The following EBF1 variants were observed in gnomAD, a reference collection of about 807,000 sequenced individuals.
EBF1 encodes transcription factor COE1.
EBF1 carries 10 observed loss-of-function variants against 68.4 expected under a neutral mutation model. That is an observed-to-expected ratio of 0.15 (90% CI 0.09 to 0.25). The LOEUF is 0.25. Among genes scored for constraint, EBF1 ranks in the 10% least tolerant of loss-of-function variants. The probability of loss-of-function intolerance (pLI) is 1.00; values close to 1 mark genes in which losing one functional copy is unlikely to be tolerated. For synonymous variants in EBF1, 298 were observed against 299.8 expected (o/e 0.99, Z 0.06); for missense variants, 509 against 794.4 (o/e 0.64, Z 4.32).
Position 158,699,532 on chromosome 5 carries a change from T to A in EBF1, c.1745-390A>T, listed in dbSNP as rs144079831. On this transcript the variant is annotated intron_variant, in intron 15 of 15. Coordinates refer to ENST00000313708, the MANE Select transcript of EBF1 (RefSeq NM_024007.5). ...TTCCCTCCCCTTCACACCCAAAATATAAAGAAGTGGTCCATCCAAACTGCA... is the reference window on the plus strand; with the variant it reads ...TTCCCTCCCCTTCACACCCAAAATAAAAAGAAGTGGTCCATCCAAACTGCA... Among the ~76,000 whole-genome samples, 49 of 152,200 alleles carry A rather than the reference T, an allele frequency of 3.2e-4. No individual in the cohort carries two copies. The East Asian group carries it at 9.3e-3, about 29-fold the overall frequency.
chr5:159,090,807 GTAATAA>G (rs138049191), intron 4 of EBF1, among the ~76,000 whole-genome samples: 7 of 149,276 alleles, frequency 4.7e-5, no homozygotes, highest in Admixed American at 2.0e-4. Context: ...ACCCAATGGG[GTAATAA>G]TAATAATAAT....
intron 13 of EBF1, among the ~76,000 whole-genome samples, 200 bp downstream of exon 13, chr5:158,712,770 G>T (rs1456072848): frequency 6.6e-6 from 1 of 152,162 alleles, no homozygotes; most frequent in African/African-American, 2.4e-5. Flanking sequence ...CTAAATGCAT[G>T]CATCCTTTCT....
chr5:158,913,841 T>C (rs1216931427), intron 6 of EBF1, among the ~76,000 whole-genome samples: 1 of 152,192 alleles, frequency 6.6e-6, no homozygotes, highest in Non-Finnish European at 1.5e-5. Flanking sequence ...GCAAATAAAA[T>C]ATCTGTACGT....
intron 6 of EBF1, among the ~76,000 whole-genome samples, chr5:158,873,865 AC>A (rs1797321664): frequency 1.3e-5 from 2 of 152,238 alleles, no homozygotes; most frequent in Non-Finnish European, 2.9e-5. Context: ...ATGTAGGTAT[AC>A]AGTGAGAAGT....
At chr5:158,920,629 A>G (rs958344250) in intron 6 of EBF1, among the ~76,000 whole-genome samples, 1 of 151,854 alleles carries the variant, frequency 6.6e-6, no homozygotes, top group Non-Finnish European at 1.5e-5. Flanking sequence ...CCCAGCCTGG[A>G]GTGCAGTGGT....
intron 15 of EBF1, among the ~76,000 whole-genome samples, chr5:158,699,478 A>G (rs1756289361): frequency 6.6e-6 from 1 of 152,236 alleles, no homozygotes; most frequent in Non-Finnish European, 1.5e-5. Flanking sequence ...CTTGCAAAAT[A>G]GTGAGAATTT....
intron 6 of EBF1, among the ~76,000 whole-genome samples, chr5:158,992,810 G>A (rs963412737): frequency 1.3e-5 from 2 of 151,198 alleles, no homozygotes; most frequent in Non-Finnish European, 2.9e-5. Context: ...ATAAGACTTT[G>A]CACATTTCAC....
chr5:158,859,537 G>T (rs1794626378), intron 6 of EBF1, among the ~76,000 whole-genome samples: 1 of 152,122 alleles, frequency 6.6e-6, no homozygotes, highest in Admixed American at 6.5e-5. Context: ...ACCTAGAAGG[G>T]GTCAAGAGGG....
intron 10 of EBF1, among the ~76,000 whole-genome samples, chr5:158,731,571 C>T (rs1341967860): frequency 6.6e-6 from 1 of 152,180 alleles, no homozygotes; most frequent in Admixed American, 6.5e-5. Flanking sequence ...TGCTTAACTG[C>T]AAAATCCTTA....
intron 14 of EBF1, among the ~76,000 whole-genome samples, chr5:158,710,787 C>T (rs1759055918): frequency 6.6e-6 from 1 of 152,190 alleles, no homozygotes; most frequent in African/African-American, 2.4e-5. Flanking sequence ...GCATCATTTG[C>T]TGTATTTTTA....
chr5:158,751,502 T>C (rs1162409637), intron 10 of EBF1, among the ~76,000 whole-genome samples: 1 of 152,064 alleles, frequency 6.6e-6, no homozygotes, highest in Non-Finnish European at 1.5e-5. Context: ...TTAAAAGACA[T>C]ACGTAGTTAT....
intron 4 of EBF1, among the ~76,000 whole-genome samples, chr5:159,087,743 C>A (rs1056072721): frequency 7.2e-5 from 11 of 152,056 alleles, no homozygotes; most frequent in Non-Finnish European, 1.5e-4. Context: ...TTGTTTAAGG[C>A]CCTTTGCCTC....
At chr5:158,846,916 G>A (rs978986689) in intron 6 of EBF1, among the ~76,000 whole-genome samples, 1 of 152,160 alleles carries the variant, frequency 6.6e-6, no homozygotes, top group African/African-American at 2.4e-5. Flanking sequence ...GAAAGGGGAG[G>A]AATAAGATCC....
At chr5:158,835,986 A>G (rs1222769430) in intron 7 of EBF1, among the ~76,000 whole-genome samples, 1 of 152,218 alleles carries the variant, frequency 6.6e-6, no homozygotes, top group African/African-American at 2.4e-5. Flanking sequence ...AGGTAAACAC[A>G]TGGACACATG....
At chr5:159,069,480 A>G (rs1777440705) in intron 6 of EBF1, among the ~76,000 whole-genome samples, 1 of 152,122 alleles carries the variant, frequency 6.6e-6, no homozygotes, top group Non-Finnish European at 1.5e-5. Flanking sequence ...GACCATCTGT[A>G]TTCATCCATG....
chr5:158,785,656 C>T (rs111677494), intron 9 of EBF1, among the ~76,000 whole-genome samples: 16 of 152,178 alleles, frequency 1.1e-4, no homozygotes, highest in South Asian at 4.1e-4. Context: ...AACTTTAAAC[C>T]GATGTTTACC....
intron 6 of EBF1, among the ~76,000 whole-genome samples, chr5:158,917,634 A>G (rs1419129907): frequency 6.6e-6 from 1 of 152,266 alleles, no homozygotes; most frequent in Non-Finnish European, 1.5e-5. Flanking sequence ...AGCATTGCTT[A>G]GCTCAAAACC....
intron 7 of EBF1, among the ~76,000 whole-genome samples, chr5:158,830,358 C>A (rs1217962444): frequency 6.6e-6 from 1 of 152,122 alleles, no homozygotes; most frequent in Non-Finnish European, 1.5e-5. Context: ...GCAACCTCTG[C>A]CACCCAGATT....
chr5:159,097,135 G>T lies in EBF1; in HGVS notation c.135-5C>A, dbSNP rs1016586633. ...GCCCGGGCCAGACCCACCCCGCTGC[G>T]GCCAAAGACGCAGAGTTAGATGGCT... On this transcript the variant is annotated splice_region_variant and splice_polypyrimidine_tract_variant and intron_variant, in intron 1 of 15. Coordinates refer to ENST00000313708, the MANE Select transcript of EBF1 (RefSeq NM_024007.5). The T allele has an allele frequency of 1.6e-5, 26 of 1,612,920 alleles. No homozygotes were observed. The highest frequency in any genetic ancestry group is 1.5e-5 in the Non-Finnish European group (18 of 1,179,608).
Sources: gnomAD v4.1 joint callset for allele counts (sites outside exome capture counted in the v4.1 genomes callset) on GRCh38, gnomAD v4.1.1 for gene constraint, MANE v1.5 for transcripts, NCBI Gene and HGNC (gene_info 2026-07-23, HGNC 2026-07-21) for gene names.